Variants in DGLUCY observed in about 807,000 individuals in gnomAD.
DGLUCY encodes the protein D-glutamate cyclase, also known as D-glutamate cyclase, mitochondrial.
Under a neutral mutation model 58.5 loss-of-function variants are expected in DGLUCY, and 58 were observed. That is an observed-to-expected ratio of 0.99 (90% confidence interval 0.80 to 1.23). DGLUCY has a LOEUF of 1.23. DGLUCY is among the 50% of genes most tolerant of loss of function. The pLI is 0.00. For synonymous variants in DGLUCY, 325 were observed against 314.1 expected (o/e 1.03, Z -0.37); for missense variants, 779 against 784.7 (o/e 0.99, Z 0.09).
intron 1 of DGLUCY, among the ~76,000 whole-genome samples, chr14:91,086,355 C>T (rs550843768): frequency 2.6e-5 from 4 of 152,274 alleles, no homozygotes; most frequent in South Asian, 2.1e-4. Context: ...AATGGTCTTC[C>T]GTGAAACTTG....
At chr14:91,092,654 G>C (rs145549389) in intron 1 of DGLUCY, among the ~76,000 whole-genome samples, 61 of 152,318 alleles carry the variant, frequency 4.0e-4, no homozygotes, top group African/African-American at 1.3e-3. Context: ...TGAACTCCTT[G>C]CTGTAACGGT....
chr14:91,160,125 A>G, intron 2 of DGLUCY, 141 bp from the exon 3 acceptor site: 1 of 652,690 alleles, frequency 1.5e-6, no homozygotes, highest in Non-Finnish European at 2.7e-6. Flanking sequence ...GATTCCAAAC[A>G]ATGCCCACCA....
At chr14:91,200,276 T>C (rs1452939141) in intron 11 of DGLUCY, among the ~76,000 whole-genome samples, 1 of 152,120 alleles carries the variant, frequency 6.6e-6, no homozygotes, top group Non-Finnish European at 1.5e-5. Context: ...TTATTGACTA[T>C]TGAACACACG....
intron 1 of DGLUCY, among the ~76,000 whole-genome samples, chr14:91,130,122 AT>A (rs2045947092): frequency 6.6e-6 from 1 of 152,082 alleles, no homozygotes; most frequent in Non-Finnish European, 1.5e-5. Flanking sequence ...GATAATGCTA[AT>A]TTTTTTCCCT....
intron 1 of DGLUCY, among the ~76,000 whole-genome samples, chr14:91,139,472 G>A (rs2046528332): frequency 6.6e-6 from 1 of 152,184 alleles, no homozygotes; most frequent in South Asian, 2.1e-4. Flanking sequence ...ATCACTTGAG[G>A]TCAGGAGTTT....
chr14:91,159,122 C>A (rs1321323869), intron 2 of DGLUCY: 1 of 149,334 alleles, frequency 6.7e-6, no homozygotes, highest in African/African-American at 2.4e-5. Flanking sequence ...TGAGCCACCA[C>A]ACCTGGCTAA....
chr14:91,064,949 C>T (rs1251006992), intron 1 of DGLUCY, among the ~76,000 whole-genome samples: 1 of 152,112 alleles, frequency 6.6e-6, no homozygotes, highest in Non-Finnish European at 1.5e-5. Context: ...TGGAGGGATC[C>T]AGGGAGTTTT....
chr14:91,151,403 C>T (rs1028988740), intron 1 of DGLUCY, among the ~76,000 whole-genome samples: 2 of 151,928 alleles, frequency 1.3e-5, no homozygotes, highest in African/African-American at 4.8e-5. Flanking sequence ...CCACACCCGG[C>T]TAATTTTTTT....
At chr14:91,175,842 T>C (rs561688369) in intron 6 of DGLUCY, 92 bp from the exon 7 acceptor site, 1 of 1,441,052 alleles carries the variant, frequency 6.9e-7, no homozygotes, top group African/African-American at 1.4e-5. Context: ...CAATTTGAGT[T>C]TCTGTTTTAG....
At chr14:91,143,316 T>C (rs1355771165) in intron 1 of DGLUCY, among the ~76,000 whole-genome samples, 2 of 152,038 alleles carry the variant, frequency 1.3e-5, no homozygotes, top group Non-Finnish European at 2.9e-5. Flanking sequence ...AGGATGGTCT[T>C]CATCTCCTGA....
In DGLUCY at chr14:91,133,107, A is replaced by T. The variant is rs141632966; in HGVS notation, c.-82+18824A>T. Among the ~76,000 whole-genome samples, 577 of 152,118 alleles carry T rather than the reference A, an allele frequency of 3.8e-3. 7 individuals carry two copies. Among genetic ancestry groups the T allele is most frequent in the African/African-American group, 0.014 (564 of 41,528 alleles). On this transcript the variant is annotated intron_variant, in intron 1 of 13. Transcript: ENST00000256324. ...TCAGGAGTTTGAGACCAGCCTGGCC[A>T]ACATGGTGAAACCCCTGTCTCTACT...
Position 91,084,161 on chromosome 14 carries a change from C to G in DGLUCY, c.-82+23457C>G, listed in dbSNP as rs767129033. Among the ~76,000 whole-genome samples the G allele has an allele frequency of 2.6e-5, 4 of 151,032 alleles. No individual in the cohort carries two copies. The South Asian group carries it at 6.3e-4, about 24-fold the overall frequency. On this transcript the variant is annotated intron_variant, in intron 1 of 4. Transcript: ENST00000521334. ...AGCTCCTGGATGCCCCCCATCTATT[C>G]GATTCCAAGCATTAGCAGTTCTCTC... is the stretch of plus-strand genomic sequence containing the variant.
At chr14:91,118,477 AC>A (rs35660341) in intron 1 of DGLUCY, among the ~76,000 whole-genome samples, 128,193 of 152,114 alleles carry the variant, frequency 0.84, 54,347 homozygotes, top group East Asian at 1. Context: ...ATTTACAGAT[AC>A]AAAAAGCAGT....
At chr14:91,187,051 G>A (rs1346015212) in intron 8 of DGLUCY, among the ~76,000 whole-genome samples, 1 of 151,924 alleles carries the variant, frequency 6.6e-6, no homozygotes, top group Non-Finnish European at 1.5e-5. Flanking sequence ...CCAGGTTGGA[G>A]TGCAGTGGTG....
intron 1 of DGLUCY, among the ~76,000 whole-genome samples, chr14:91,068,059 GCA>G (rs142034553): frequency 8.1e-4 from 111 of 136,712 alleles, no homozygotes; most frequent in East Asian, 1.3e-3. Context: ...ACTGGCGCGT[GCA>G]CACACACACA....
chr14:91,098,192 C>T (rs1177239231), intron 1 of DGLUCY, among the ~76,000 whole-genome samples: 1 of 152,212 alleles, frequency 6.6e-6, no homozygotes, highest in Non-Finnish European at 1.5e-5. Context: ...GTTCATAGCT[C>T]ATGCCTATAA....
rs545248361 is a variant in DGLUCY at position 91,099,328 on chromosome 14, C to T, written c.-82+38624C>T. 4.1e-4 allele frequency among the ~76,000 whole-genome samples: 62 copies of T among 152,074 alleles called. 1 individual carries two copies. In the Middle Eastern group the frequency reaches 0.017, roughly 42 times the overall value. On this transcript the variant is annotated intron_variant, in intron 1 of 4. Transcript: ENST00000521334. Reference sequence around the variant, plus strand: ...CAGGCAGATCACTTGAGGTCAGGAGCTCGAGACCAGCCTGGCCAACATGGT... The same window carrying T: ...CAGGCAGATCACTTGAGGTCAGGAGTTCGAGACCAGCCTGGCCAACATGGT...
intron 1 of DGLUCY, among the ~76,000 whole-genome samples, chr14:91,127,901 C>A (rs552241037): frequency 6.6e-6 from 1 of 151,504 alleles, no homozygotes; most frequent in African/African-American, 2.4e-5. Flanking sequence ...GAAGGGGCAG[C>A]ACACCCCAGG....
intron 1 of DGLUCY, among the ~76,000 whole-genome samples, chr14:91,075,086 A>G (rs894886811): frequency 9.2e-5 from 14 of 151,794 alleles, no homozygotes; most frequent in East Asian, 1.9e-4. Context: ...AAAAAAAAAA[A>G]AAGAAGAATT....
Sources: allele counts gnomAD v4.1 joint callset (sites outside exome capture counted in the v4.1 genomes callset), GRCh38; gene constraint gnomAD v4.1.1; transcripts MANE v1.5; gene names NCBI Gene and HGNC (gene_info 2026-07-23, HGNC 2026-07-21).